The following WARS1 variants were observed in gnomAD, a reference collection of about 807,000 sequenced individuals.
The protein encoded by WARS1 is tryptophan--tRNA ligase, cytoplasmic.
In WARS1, 17 loss-of-function variants were observed where a neutral mutation model predicts 47.8. That is an observed-to-expected ratio of 0.36 (90% CI 0.24 to 0.53). The LOEUF (loss-of-function observed/expected upper bound fraction) is 0.53, where lower values mean the gene tolerates loss of function less well. Among genes scored for constraint, WARS1 ranks in the 20% least tolerant of loss-of-function variants. The probability of loss-of-function intolerance (pLI) is 0.91; values close to 1 mark genes in which losing one functional copy is unlikely to be tolerated. For missense variants in WARS1, 434 were observed against 608.0 expected, an observed-to-expected ratio of 0.71 and a Z score of 3.01; for synonymous variants, 208 against 228.1, an observed-to-expected ratio of 0.91 and a Z score of 0.79.
chr14:100,367,608 C>CAA (rs35916618), intron 2 of WARS1, among the ~76,000 whole-genome samples: 27 of 29,746 alleles, frequency 9.1e-4, no homozygotes, highest in East Asian at 1.2e-3. Flanking sequence ...GGTGGGGTGG[C>CAA]AAAAAAAAAA....
chr14:100,356,077 A>C (rs1038447584), intron 4 of WARS1, among the ~76,000 whole-genome samples: 2 of 152,158 alleles, frequency 1.3e-5, no homozygotes, highest in African/African-American at 4.8e-5. Flanking sequence ...GGATTCCAGC[A>C]GAGACTCATT....
At position 100,342,448 on chromosome 14, in the gene WARS1, G is replaced by A. The variant is rs1437700113; in HGVS notation, c.1063C>T (p.Pro355Ser). The A allele has an allele frequency of 8.1e-6, 13 of 1,614,078 alleles. No homozygotes were observed. The highest frequency in any genetic ancestry group is 9.3e-6 in the Non-Finnish European group (11 of 1,179,992). Residue 355 changes from proline (P) to serine (S), a missense_variant, in exon 9 of 11, where the codon CCC (proline) becomes TCC (serine). Pro to Ser is a moderately conservative substitution (Grantham distance 74). Transcript: ENST00000392882. Reference protein sequence around the residue: ...GAQTKMSASDPNSSIFLTDTA... With the variant: ...GAQTKMSASDSNSSIFLTDTA... ...TCGGTGAGGAAGATGGAGGAGTTGG[G>A]GTCGCTGGCACTCATTTTGGTCTGG... is the stretch of plus-strand genomic sequence containing the variant.
intron 2 of WARS1, among the ~76,000 whole-genome samples, chr14:100,362,559 T>C (rs1454206393): frequency 1.3e-5 from 2 of 151,904 alleles, no homozygotes; most frequent in African/African-American, 4.8e-5. Context: ...AGGTAAAATG[T>C]ACCCTTGGGT....
intron 7 of WARS1, among the ~76,000 whole-genome samples, chr14:100,345,016 G>A (rs1254652418): frequency 2.0e-5 from 3 of 147,976 alleles, no homozygotes; most frequent in South Asian, 2.2e-4. Context: ...TCAGCCCCCC[G>A]CCCGGCCAGC....
intron 2 of WARS1, chr14:100,366,546 T>A (rs1896008655): frequency 5.2e-6 from 3 of 573,396 alleles, no homozygotes; most frequent in Admixed American, 2.9e-5. Context: ...ATAAAGGATG[T>A]AGAGGACATA....
intron 4 of WARS1, among the ~76,000 whole-genome samples, chr14:100,358,118 C>T (rs903424490): frequency 8.5e-5 from 13 of 152,058 alleles, no homozygotes; most frequent in African/African-American, 3.1e-4. Flanking sequence ...GAAAAAGAAC[C>T]ATGTTTGAGT....
intron 9 of WARS1, among the ~76,000 whole-genome samples, chr14:100,341,414 A>G (rs80133827): frequency 6.6e-6 from 1 of 152,166 alleles, no homozygotes; most frequent in East Asian, 1.9e-4. Context: ...AAGTTTTGAT[A>G]TGAAAGGCTT....
chr14:100,335,755 A>G (rs562790518), intron 10 of WARS1, among the ~76,000 whole-genome samples: 2 of 152,258 alleles, frequency 1.3e-5, no homozygotes, highest in South Asian at 4.1e-4. Context: ...AAGTACCCAA[A>G]CCACAAAGCA....
At chr14:100,375,947 T>C (rs1253422701), upstream of WARS1, 1 of 152,410 alleles carries the variant, frequency 6.6e-6, no homozygotes, top group Non-Finnish European at 1.5e-5. Flanking sequence ...AGTGCAACAC[T>C]ACGCAAAGCC....
intron 7 of WARS1, among the ~76,000 whole-genome samples, chr14:100,345,106 GC>G (rs1878024309): frequency 1.4e-5 from 1 of 73,064 alleles, no homozygotes; most frequent in South Asian, 6.0e-4. Context: ...GGGCGCCTCT[GC>G]CCGGCCGCCC....
rs1475201801 is a variant in WARS1, at chr14:100,369,144, G to A, written c.42C>T (p.Asn14=). 1.3e-6 allele frequency: 2 copies of A among 1,552,722 alleles called. No individual in the cohort carries two copies. The highest frequency in any genetic ancestry group is 1.8e-5 in the Admixed American group (1 of 57,106). ...CGAGCTCCCCTTGTGTGGCGATGCT[G>A]TTGAACAGCTCCAGCAGAGATGCGG... ...SEPASLLELF[N]SIATQGELVR... Residue 14 remains asparagine, a synonymous_variant, in exon 2 of 11, where the codon AAC becomes AAT. Transcript: ENST00000392882.
chr14:100,354,285 G>C (rs1895176006), intron 5 of WARS1, 162 bp downstream of exon 5: 6 of 1,017,844 alleles, frequency 5.9e-6, no homozygotes, highest in Non-Finnish European at 8.3e-6. Flanking sequence ...TCTAAAGTGA[G>C]CCCAGGAACA....
chr14:100,371,438 G>A (rs1274130982), intron 1 of WARS1, among the ~76,000 whole-genome samples: 1 of 57,420 alleles, frequency 1.7e-5, no homozygotes. Flanking sequence ...TGACAGAAAG[G>A]TTCTGTCTCA....
At chr14:100,362,009 A>C (rs1311287029) in intron 2 of WARS1, 88 bp from the exon 3 acceptor site, 10 of 1,395,150 alleles carry the variant, frequency 7.2e-6, no homozygotes, top group Admixed American at 1.9e-5. Context: ...CACTGTGTTA[A>C]ATGCTTTTAC....
At chr14:100,360,453 T>G (rs1362282447) in intron 4 of WARS1, 101 bp downstream of exon 4, 6 of 854,668 alleles carry the variant, frequency 7.0e-6, no homozygotes, top group African/African-American at 1.7e-5. Flanking sequence ...GGCCATCACT[T>G]TTCCCACAGT....
At chr14:100,348,027 C>CGTAGG (rs1159005520) in intron 6 of WARS1, among the ~76,000 whole-genome samples, 1 of 152,170 alleles carries the variant, frequency 6.6e-6, no homozygotes, top group Non-Finnish European at 1.5e-5. Context: ...CTAGATGCTG[C>CGTAGG]GTATGTGTCA....
chr14:100,358,087 C>A (rs557347087), intron 4 of WARS1, among the ~76,000 whole-genome samples: 1 of 152,212 alleles, frequency 6.6e-6, no homozygotes, highest in African/African-American at 2.4e-5. Flanking sequence ...TGCAAGGGGC[C>A]CAGAATACCT....
chr14:100,344,726 T>C (rs1366129796), intron 7 of WARS1, among the ~76,000 whole-genome samples: 1 of 146,706 alleles, frequency 6.8e-6, no homozygotes, highest in Non-Finnish European at 1.5e-5. Flanking sequence ...GGAGCGCCTC[T>C]GCCCCGCCGC....
At position 100,355,952 on chromosome 14, in the gene WARS1, T is replaced by A. The variant is rs570696877; in HGVS notation, c.423-1386A>T. 3.9e-5 allele frequency among the ~76,000 whole-genome samples: 6 copies of A among 152,294 alleles called. No homozygotes were observed. In the East Asian group the frequency reaches 7.7e-4, roughly 20 times the overall value. On this transcript the variant is annotated intron_variant, in intron 4 of 10. Transcript: ENST00000392882. ...ACTGTGCCACGAGCTGCTTTTCTTG[T>A]GTTTATGTGGAGCATCTGAGAACTC... is the stretch of plus-strand genomic sequence containing the variant.
Sources: gnomAD v4.1 joint callset for allele counts (sites outside exome capture counted in the v4.1 genomes callset) on GRCh38, gnomAD v4.1.1 for gene constraint, MANE v1.5 for transcripts, NCBI Gene and HGNC (gene_info 2026-07-23, HGNC 2026-07-21) for gene names.